GRIK2: variants seen among roughly 807,000 people sequenced by gnomAD.
The protein encoded by GRIK2 is glutamate receptor ionotropic, kainate 2.
Under a neutral mutation model 100.3 loss-of-function variants are expected in GRIK2, and 32 were observed. The ratio of observed to expected loss-of-function variants is 0.32; its 90% CI spans 0.24 to 0.43. GRIK2 has a LOEUF of 0.43. Among genes scored for constraint, GRIK2 ranks in the 20% least tolerant of loss-of-function variants. The pLI, the probability that GRIK2 is intolerant of heterozygous loss-of-function variation, is 1.00. For missense variants in GRIK2, 843 were observed against 1,114.9 expected, an observed-to-expected ratio of 0.76 and a Z score of 3.47; for synonymous variants, 417 against 389.4, an observed-to-expected ratio of 1.07 and a Z score of -0.83.
chr6:101,450,787 G>A (rs1163181927), intron 2 of GRIK2, among the ~76,000 whole-genome samples: 1 of 151,780 alleles, frequency 6.6e-6, no homozygotes, highest in Admixed American at 6.6e-5. Context: ...AAGAAAAGAA[G>A]GAAAAAGGTA....
intron 15 of GRIK2, among the ~76,000 whole-genome samples, chr6:102,046,927 G>A (rs1770917619): frequency 6.6e-6 from 1 of 152,058 alleles, no homozygotes; most frequent in South Asian, 2.1e-4. Flanking sequence ...AAATTAACAA[G>A]TATGTAGAAA....
intron 3 of GRIK2, among the ~76,000 whole-genome samples, chr6:101,625,364 C>T (rs1039521530): frequency 1.3e-5 from 2 of 150,870 alleles, no homozygotes; most frequent in South Asian, 2.1e-4. Flanking sequence ...CAGACTGAGA[C>T]TCTATATCAA....
chr6:101,546,145 C>T (rs1248855191), intron 2 of GRIK2, among the ~76,000 whole-genome samples: 3 of 152,244 alleles, frequency 2.0e-5, no homozygotes, highest in African/African-American at 7.2e-5. Flanking sequence ...TCATTCTACT[C>T]TATAGGCAAG....
intron 9 of GRIK2, among the ~76,000 whole-genome samples, chr6:101,802,964 G>T (rs980715684): frequency 6.6e-6 from 1 of 151,812 alleles, no homozygotes; most frequent in African/African-American, 2.4e-5. Context: ...GCTAGGGATT[G>T]TGGTAAAACA....
rs763491303 is a variant in GRIK2 at position 102,068,304 on chromosome 6, T to C, written c.2563-43T>C. On this transcript the variant is annotated intron_variant, in intron 16 of 16. Transcript: ENST00000369134. ...AATATTGATCTTGGACAGTTACAGT[T>C]TATGTATCTTGTAATATTTAATTTT... is the stretch of plus-strand genomic sequence containing the variant. 2.2e-6 allele frequency: 3 copies of C among 1,392,052 alleles called. No individual in the cohort carries two copies. In the African/African-American group the frequency reaches 4.3e-5, roughly 20 times the overall value. 86.2% of individuals were successfully genotyped at this position (1,392,052 alleles called of 1,614,324 possible).
intron 14 of GRIK2, among the ~76,000 whole-genome samples, chr6:102,023,440 G>A (rs1488277455): frequency 1.3e-5 from 2 of 151,494 alleles, no homozygotes; most frequent in Non-Finnish European, 3.0e-5. Context: ...GTGGCTTGTA[G>A]GGTAACAAAC....
intron 2 of GRIK2, among the ~76,000 whole-genome samples, chr6:101,464,959 G>C (rs931280170): frequency 6.6e-6 from 1 of 152,102 alleles, no homozygotes; most frequent in Non-Finnish European, 1.5e-5. Flanking sequence ...AGTCAATCTT[G>C]ATAACAGGAC....
chr6:102,032,759 GT>G, intron 14 of GRIK2, among the ~76,000 whole-genome samples: 1 of 151,242 alleles, frequency 6.6e-6, no homozygotes. Flanking sequence ...ATGCCATTCT[GT>G]TTGCTTTAGT....
At chr6:101,601,057 T>C (rs1054453207) in intron 2 of GRIK2, among the ~76,000 whole-genome samples, 1 of 151,660 alleles carries the variant, frequency 6.6e-6, no homozygotes, top group African/African-American at 2.4e-5. Flanking sequence ...ATGTTGGCTG[T>C]GTGTTTGTCA....
At chr6:101,989,654 T>A (rs1794245523) in intron 14 of GRIK2, among the ~76,000 whole-genome samples, 2 of 151,766 alleles carry the variant, frequency 1.3e-5, no homozygotes, top group Non-Finnish European at 3.0e-5. Context: ...AGACCTTTAT[T>A]TATTACTATG....
intron 4 of GRIK2, among the ~76,000 whole-genome samples, chr6:101,663,030 T>C (rs1438035641): frequency 6.6e-6 from 1 of 152,108 alleles, no homozygotes; most frequent in Non-Finnish European, 1.5e-5. Context: ...AAATAAAACC[T>C]GAGATTCTAA....
At position 101,434,593 on chromosome 6, in the gene GRIK2, A is replaced by G. The variant is rs1008665602; in HGVS notation, c.115+35201A>G. 3.3e-5 allele frequency among the ~76,000 whole-genome samples: 5 copies of G among 152,258 alleles called. No individual in the cohort carries two copies. In the South Asian group the frequency reaches 8.3e-4, roughly 25 times the overall value. ...AAAATTTTATAGCTCTATCGAGTTT[A>G]ACAGTTTGAATATTAACCTTCTGGA... On this transcript the variant is annotated intron_variant, in intron 2 of 16. Transcript: ENST00000369134.
At chr6:101,731,196 T>C (rs1215563029) in intron 7 of GRIK2, among the ~76,000 whole-genome samples, 2 of 151,978 alleles carry the variant, frequency 1.3e-5, no homozygotes, top group Non-Finnish European at 2.9e-5. Flanking sequence ...CTTTGATCAA[T>C]GGACAATTCC....
intron 2 of GRIK2, among the ~76,000 whole-genome samples, chr6:101,556,598 A>C (rs1475351560): frequency 6.6e-6 from 1 of 152,098 alleles, no homozygotes; most frequent in Non-Finnish European, 1.5e-5. Flanking sequence ...ATTATTGATA[A>C]TAGCTGCCAT....
chr6:101,565,061 A>G (rs1227094986), intron 2 of GRIK2, among the ~76,000 whole-genome samples: 2 of 152,118 alleles, frequency 1.3e-5, no homozygotes, highest in African/African-American at 4.8e-5. Flanking sequence ...TATATTTAAC[A>G]TAATGTACAG....
chr6:101,631,709 T>G (rs1054014321), intron 4 of GRIK2, among the ~76,000 whole-genome samples: 1 of 152,134 alleles, frequency 6.6e-6, no homozygotes. Flanking sequence ...TATACTTGTA[T>G]GATCTCTCAA....
chr6:101,771,978 G>A (rs1778437892), intron 7 of GRIK2, among the ~76,000 whole-genome samples: 1 of 152,056 alleles, frequency 6.6e-6, no homozygotes, highest in African/African-American at 2.4e-5. Context: ...ATTGTGAATA[G>A]TGTCGCAATA....
At chr6:101,797,708 T>C (rs925036187) in intron 7 of GRIK2, among the ~76,000 whole-genome samples, 19 of 146,892 alleles carry the variant, frequency 1.3e-4, no homozygotes, top group Non-Finnish European at 2.1e-4. Context: ...ATATATTACA[T>C]ATAATAGTTT....
chr6:101,412,057 C>T (rs1367014336), intron 2 of GRIK2, among the ~76,000 whole-genome samples: 3 of 151,974 alleles, frequency 2.0e-5, no homozygotes, highest in Non-Finnish European at 4.4e-5. Flanking sequence ...AAATAATGTC[C>T]AGCCTAGATG....
Sources: allele counts gnomAD v4.1 joint callset (sites outside exome capture counted in the v4.1 genomes callset), GRCh38; gene constraint gnomAD v4.1.1; transcripts MANE v1.5; gene names NCBI Gene and HGNC (gene_info 2026-07-23, HGNC 2026-07-21).